RNF34: variants seen among roughly 807,000 people sequenced by gnomAD.
RNF34 encodes the protein ring finger protein 34.
RNF34 carries 12 observed loss-of-function variants against 37.9 expected under a neutral mutation model. That is an observed-to-expected ratio of 0.32 (90% confidence interval 0.20 to 0.51). RNF34 has a LOEUF of 0.51. Among genes scored for constraint, RNF34 ranks in the 20% least tolerant of loss-of-function variants. The pLI, the probability that RNF34 is intolerant of heterozygous loss-of-function variation, is 0.97. For synonymous variants in RNF34, 155 were observed against 177.2 expected (o/e 0.87, Z 1.00); for missense variants, 362 against 472.7 (o/e 0.77, Z 2.17).
intron 2 of RNF34, 197 bp downstream of exon 2, chr12:121,416,574 C>T: frequency 1.9e-6 from 1 of 516,308 alleles, no homozygotes; most frequent in Non-Finnish European, 3.4e-6. Context: ...CATTGTTTCT[C>T]ATGTTCAGGC....
Position 121,417,391 on chromosome 12 carries a change from C to G in RNF34, c.226-113C>G. 1 of 806,722 alleles carries G rather than the reference C, an allele frequency of 1.2e-6. No individual in the cohort carries two copies. The highest frequency in any genetic ancestry group is 1.9e-6 in the Non-Finnish European group (1 of 514,058). The allele number at this position is 806,722 out of a possible 1,614,324, so 50.0% of individuals were successfully genotyped here. A position where few individuals can be genotyped will look rare whatever the true frequency, so the allele number is the denominator to read the frequency against. On this transcript the variant is annotated intron_variant, in intron 2 of 5. Transcript: ENST00000361234. The surrounding 1 kb of genome is among the most constrained non-coding windows in gnomAD (Gnocchi z 5.0). The stretch of plus-strand genomic sequence containing the variant: ...AATACCTCTGGAAATAGTCTGGTGC[C>G]ACTGGGGACTTCACTAAGAACTAAA...
Position 121,422,961 on chromosome 12 carries a change from C to A in RNF34, c.929-425C>A, listed in dbSNP as rs991421125. Reference sequence around the variant, plus strand: ...TCCTACTGAGATGAGGCTCCAGAGACTGTGGTGTTCCCAGGGCTACAAAGC... The same window carrying A: ...TCCTACTGAGATGAGGCTCCAGAGAATGTGGTGTTCCCAGGGCTACAAAGC... On this transcript the variant is annotated intron_variant, in intron 5 of 5. Coordinates refer to ENST00000361234, the MANE Select transcript of RNF34 (RefSeq NM_025126.4). 4.6e-5 allele frequency among the ~76,000 whole-genome samples: 7 copies of A among 152,168 alleles called. No homozygotes were observed. The East Asian group carries it at 1.3e-3, about 29-fold the overall frequency.
At chr12:121,415,956 C>G (rs1555282119) in intron 1 of RNF34, among the ~76,000 whole-genome samples, 2 of 148,776 alleles carry the variant, frequency 1.3e-5, no homozygotes, top group Non-Finnish European at 3.0e-5. Context: ...AACAAGAGAT[C>G]ATGGGTATTG....
intron 1 of RNF34, among the ~76,000 whole-genome samples, chr12:121,402,459 T>C (rs1870087220): frequency 6.6e-6 from 1 of 152,158 alleles, no homozygotes; most frequent in Non-Finnish European, 1.5e-5. Context: ...TTGGTTTGGT[T>C]TGGTTTAGAA....
intron 1 of RNF34, among the ~76,000 whole-genome samples, chr12:121,402,114 C>A (rs1247896821): frequency 6.6e-6 from 1 of 152,074 alleles, no homozygotes; most frequent in Non-Finnish European, 1.5e-5. Flanking sequence ...ATACTTCTTT[C>A]TGTGGAATTA....
intron 1 of RNF34, among the ~76,000 whole-genome samples, chr12:121,403,905 A>G (rs1209176723): frequency 6.6e-6 from 1 of 150,922 alleles, no homozygotes; most frequent in Non-Finnish European, 1.5e-5. Context: ...AACATATTAG[A>G]GTTTTGGCAA....
intron 1 of RNF34, among the ~76,000 whole-genome samples, chr12:121,405,326 T>TTGTGAAGATGGAG (rs1458543814): frequency 6.6e-6 from 1 of 152,204 alleles, no homozygotes; most frequent in Admixed American, 6.5e-5. Flanking sequence ...CACATTTGTC[T>TTGTGAAGATGGAG]TCCTGTAGTG....
chr12:121,402,690 G>A lies in RNF34; in HGVS notation c.6+2472G>A, dbSNP rs1870112668. The A allele has an allele frequency of 3.4e-6, 4 of 1,173,890 alleles. No individual in the cohort carries two copies. In the Admixed American group the frequency reaches 6.0e-5, roughly 18 times the overall value. The allele number at this position is 1,173,890 out of a possible 1,614,324, so 72.7% of individuals were successfully genotyped here. A position where few individuals can be genotyped will look rare whatever the true frequency, so the allele number is the denominator to read the frequency against. On this transcript the variant is annotated intron_variant, in intron 1 of 5. Transcript: ENST00000361234. ...TCCAAGCTCAAAATGAGATATCAAG[G>A]AGAAAGTAATCTACTGAATGTAATT...
intron 3 of RNF34, chr12:121,420,019 C>T: frequency 4.4e-6 from 2 of 450,790 alleles, no homozygotes; most frequent in South Asian, 2.4e-5. Context: ...TATAACTTTA[C>T]ACACACACAG....
intron 1 of RNF34, among the ~76,000 whole-genome samples, chr12:121,412,748 G>GCGA (rs1871201109): frequency 1.5e-5 from 2 of 130,932 alleles, no homozygotes; most frequent in Admixed American, 1.6e-4. Flanking sequence ...TTTTTGAGAT[G>GCGA]GAGTCTCGCT....
Position 121,423,521 on chromosome 12 carries a change from A to C in RNF34, c.1064A>C (p.Glu355Ala). ...TCTKCGKRMSECPICRQYVVR... is the reference protein window; with the variant it reads ...TCTKCGKRMSACPICRQYVVR... ...ACCAAGTGCGGCAAGCGCATGAGTG[A>C]GTGTCCCATCTGCCGGCAGTATGTG... Residue 355 changes from glutamate (E) to alanine (A), a missense_variant, in exon 6 of 6, where the codon GAG becomes GCG. Glu to Ala is a moderately radical substitution (Grantham distance 107, BLOSUM62 -1). Transcript: ENST00000361234. The surrounding 1 kb of genome is among the most constrained non-coding windows in gnomAD (Gnocchi z 4.3). 6.2e-7 allele frequency: 1 copy of C among 1,614,154 alleles called. No individual in the cohort carries two copies. Among genetic ancestry groups the C allele is most frequent in the South Asian group, 1.1e-5 (1 of 91,076 alleles).
intron 4 of RNF34, 50 bp downstream of exon 4, chr12:121,420,384 A>C: frequency 2.6e-6 from 4 of 1,554,372 alleles, no homozygotes; most frequent in Non-Finnish European, 3.5e-6. Context: ...GCCTGACAGG[A>C]AGGGACAGTG....
At chr12:121,420,388 G>A in intron 4 of RNF34, 54 bp downstream of exon 4, 16 of 1,554,164 alleles carry the variant, frequency 1.0e-5, no homozygotes, top group Non-Finnish European at 1.2e-5. Flanking sequence ...GACAGGAAGG[G>A]ACAGTGCCCT....
At chr12:121,400,332 G>C in intron 1 of RNF34, 114 bp downstream of exon 1, 1 of 1,293,536 alleles carries the variant, frequency 7.7e-7, no homozygotes. Flanking sequence ...ATCTCGGAGA[G>C]CTGCGCTGAG....
chr12:121,420,328 G>A lies in RNF34; in HGVS notation c.720G>A (p.Glu240=). 6.4e-7 allele frequency: 1 copy of A among 1,564,874 alleles called. No homozygotes were observed. ...ATGATGATGAAGAAGAAAACGCAGA[G>A]GATCGGGTGAGGCCACCTATAAAAT... ...EDDDDEEENA[E]DRNPGLSKER... is the part of the protein sequence containing the mutation. Residue 240 remains glutamate (E), a synonymous_variant, in exon 4 of 6, where the codon GAG becomes GAA. Coordinates refer to ENST00000361234, the MANE Select transcript of RNF34 (RefSeq NM_025126.4).
At chr12:121,404,840 T>C (rs1415191448) in intron 1 of RNF34, 2 of 152,194 alleles carry the variant, frequency 1.3e-5, no homozygotes, top group African/African-American at 4.8e-5. Flanking sequence ...AAGTATTTTC[T>C]CCCCACAGGG....
At chr12:121,420,868 T>G in intron 5 of RNF34, 90 bp downstream of exon 5, 1 of 964,954 alleles carries the variant, frequency 1.0e-6, no homozygotes, top group Non-Finnish European at 1.6e-6. Context: ...GTCAAATTTA[T>G]TTTTGAGAAA....
intron 1 of RNF34, among the ~76,000 whole-genome samples, chr12:121,402,090 G>T (rs1325639593): frequency 6.6e-6 from 1 of 152,122 alleles, no homozygotes; most frequent in African/African-American, 2.4e-5. Flanking sequence ...ACATGTGAAT[G>T]TTCATGTAAG....
At chr12:121,413,224 G>A (rs148694694) in intron 1 of RNF34, among the ~76,000 whole-genome samples, 4,819 of 150,686 alleles carry the variant, frequency 0.032, 271 homozygotes, top group African/African-American at 0.11. Context: ...ACGGCGTTTC[G>A]CCATGTTGTC....
Sources: allele counts gnomAD v4.1 joint callset (sites outside exome capture counted in the v4.1 genomes callset), GRCh38; gene constraint gnomAD v4.1.1; non-coding constraint Gnocchi (gnomAD v3.1); transcripts MANE v1.5; gene names NCBI Gene and HGNC (gene_info 2026-07-23, HGNC 2026-07-21).